SGCZ: variants seen among roughly 807,000 people sequenced by gnomAD.
SGCZ encodes the protein zeta-sarcoglycan.
A neutral mutation model predicts 41.3 loss-of-function variants in SGCZ; 40 were observed. The observed-to-expected ratio is 0.97, with a 90% confidence interval of 0.75 to 1.26. The LOEUF (loss-of-function observed/expected upper bound fraction) is 1.26, where lower values mean the gene tolerates loss of function less well. Ranked by LOEUF, SGCZ falls within the 50% of genes most tolerant of loss-of-function variation. The pLI is 0.00. For synonymous variants in SGCZ, 206 were observed against 137.5 expected (o/e 1.50, Z -3.49); for missense variants, 552 against 369.8 (o/e 1.49, Z -4.04).
At chr8:15,119,946 A>T (rs571820196) in intron 1 of SGCZ, among the ~76,000 whole-genome samples, 15 of 152,276 alleles carry the variant, frequency 9.9e-5, no homozygotes, top group African/African-American at 3.6e-4. Context: ...AGTAGCTAGA[A>T]CTATAGGTGC....
intron 1 of SGCZ, among the ~76,000 whole-genome samples, chr8:14,595,056 G>T (rs1461885108): frequency 6.7e-6 from 1 of 149,902 alleles, no homozygotes; most frequent in Non-Finnish European, 1.5e-5. Context: ...TATAGAAATG[G>T]CTTTACTTAT....
In SGCZ at chr8:14,089,247, G is replaced by C. The variant is rs1166097027; in HGVS notation, c.*1196C>G. ...GTAAATATATGTTAACAGCTGAATA[G>C]AAATGGGACTAAATTCCCTAAAATA... On this transcript the variant is annotated 3_prime_UTR_variant, in exon 8 of 8. Transcript: ENST00000382080. Among the ~76,000 whole-genome samples, 1 of 151,948 alleles carries C rather than the reference G, an allele frequency of 6.6e-6. No individual in the cohort carries two copies. The highest frequency in any genetic ancestry group is 1.5e-5 in the Non-Finnish European group (1 of 67,936).
intron 1 of SGCZ, among the ~76,000 whole-genome samples, chr8:14,623,443 C>A (rs923346624): frequency 6.6e-6 from 1 of 152,180 alleles, no homozygotes; most frequent in Non-Finnish European, 1.5e-5. Context: ...AGAGAAGAGG[C>A]AGACATCTCT....
chr8:15,132,157 T>C (rs1399337081), intron 1 of SGCZ, among the ~76,000 whole-genome samples: 1 of 152,198 alleles, frequency 6.6e-6, no homozygotes. Flanking sequence ...TTCATACAGT[T>C]TCTTTCCACA....
intron 1 of SGCZ, among the ~76,000 whole-genome samples, chr8:14,716,598 CA>C (rs1809697774): frequency 6.6e-6 from 1 of 151,922 alleles, no homozygotes; most frequent in East Asian, 1.9e-4. Flanking sequence ...ACTCTAAATC[CA>C]AAATTCTATT....
intron 5 of SGCZ, among the ~76,000 whole-genome samples, chr8:14,138,532 G>T (rs62770263): frequency 2.2e-5 from 3 of 139,530 alleles, no homozygotes; most frequent in African/African-American, 5.3e-5. Flanking sequence ...AAAAGGGGGG[G>T]TTGCATTTCT....
At chr8:14,814,504 C>T (rs1801838471) in intron 1 of SGCZ, among the ~76,000 whole-genome samples, 2 of 152,136 alleles carry the variant, frequency 1.3e-5, no homozygotes, top group Non-Finnish European at 2.9e-5. Context: ...CCCAGAAGTG[C>T]CATAAGAATT....
intron 1 of SGCZ, among the ~76,000 whole-genome samples, chr8:14,878,302 C>T (rs903889705): frequency 1.3e-5 from 2 of 151,338 alleles, no homozygotes; most frequent in African/African-American, 4.9e-5. Flanking sequence ...TAAGAACCAG[C>T]CATGTTTGAA....
At chr8:14,991,119 G>T (rs951623679) in intron 1 of SGCZ, among the ~76,000 whole-genome samples, 4 of 152,026 alleles carry the variant, frequency 2.6e-5, no homozygotes, top group Admixed American at 1.3e-4. Context: ...TAACATTTTG[G>T]CAAGCATAAG....
At chr8:14,784,723 C>T (rs1464233362) in intron 1 of SGCZ, among the ~76,000 whole-genome samples, 7 of 150,638 alleles carry the variant, frequency 4.6e-5, no homozygotes, top group African/African-American at 7.3e-5. Flanking sequence ...GGAGAAACCC[C>T]GTCTCTACTA....
At chr8:14,738,434 G>T (rs1799110595) in intron 1 of SGCZ, among the ~76,000 whole-genome samples, 1 of 151,972 alleles carries the variant, frequency 6.6e-6, no homozygotes, top group South Asian at 2.1e-4. Flanking sequence ...CCGCTAGCTA[G>T]ACCCAACTGA....
intron 5 of SGCZ, among the ~76,000 whole-genome samples, chr8:14,153,934 C>A (rs1248928104): frequency 2.5e-5 from 3 of 119,048 alleles, no homozygotes; most frequent in Admixed American, 1.9e-4. Context: ...CACACACACA[C>A]ACACAGACAC....
chr8:15,044,373 A>G (rs1468126184), intron 1 of SGCZ, among the ~76,000 whole-genome samples: 1 of 152,148 alleles, frequency 6.6e-6, no homozygotes, highest in Non-Finnish European at 1.5e-5. Flanking sequence ...TAACTGCCCC[A>G]GTGAGAAAGC....
intron 1 of SGCZ, among the ~76,000 whole-genome samples, chr8:14,899,478 A>G (rs1458207599): frequency 2.0e-5 from 3 of 152,216 alleles, no homozygotes; most frequent in African/African-American, 7.2e-5. Context: ...AAGGTGCTAC[A>G]AAGTTGCTAA....
chr8:14,121,861 G>C (rs903209474), intron 5 of SGCZ, among the ~76,000 whole-genome samples: 7 of 152,246 alleles, frequency 4.6e-5, no homozygotes, highest in African/African-American at 1.7e-4. Context: ...TTGTCCAAAA[G>C]ACTATGTAGG....
At chr8:14,190,367 A>ATGTG (rs377765050) in intron 4 of SGCZ, among the ~76,000 whole-genome samples, 16 of 150,786 alleles carry the variant, frequency 1.1e-4, no homozygotes, top group Non-Finnish European at 2.4e-4. Context: ...GTATGTATGT[A>ATGTG]TGTGTGTGTG....
intron 1 of SGCZ, among the ~76,000 whole-genome samples, chr8:15,118,259 G>A (rs193031525): frequency 2.0e-5 from 3 of 152,266 alleles, no homozygotes; most frequent in Admixed American, 6.5e-5. Context: ...ATATTTCTGA[G>A]CAGGGCAAAG....
At chr8:15,042,405 T>C (rs1365369405) in intron 1 of SGCZ, among the ~76,000 whole-genome samples, 1 of 152,164 alleles carries the variant, frequency 6.6e-6, no homozygotes, top group Non-Finnish European at 1.5e-5. Context: ...AGGCCACAAT[T>C]TGGGGAGCTG....
chr8:14,783,730 T>C (rs1800662390), intron 1 of SGCZ, among the ~76,000 whole-genome samples: 1 of 152,162 alleles, frequency 6.6e-6, no homozygotes, highest in Admixed American at 6.5e-5. Flanking sequence ...TGTTTTTCTA[T>C]CTGGGATAAT....
Sources: gnomAD v4.1 joint callset for allele counts (sites outside exome capture counted in the v4.1 genomes callset) on GRCh38, gnomAD v4.1.1 for gene constraint, MANE v1.5 for transcripts, NCBI Gene and HGNC (gene_info 2026-07-23, HGNC 2026-07-21) for gene names.